Variants in ANXA3 observed in about 807,000 individuals in gnomAD.
ANXA3 encodes 35-alpha calcimedin.
Under a neutral mutation model 48.8 loss-of-function variants are expected in ANXA3, and 46 were observed. That is an observed-to-expected ratio of 0.94 (90% CI 0.74 to 1.21). ANXA3 has a LOEUF of 1.21. Among genes scored for constraint, ANXA3 ranks in the 50% most tolerant of loss-of-function variants. The probability of loss-of-function intolerance (pLI) is 0.00; values close to 1 mark genes in which losing one functional copy is unlikely to be tolerated. For synonymous variants in ANXA3, 128 were observed against 134.7 expected, an observed-to-expected ratio of 0.95 and a Z score of 0.35; for missense variants, 383 against 378.6, an observed-to-expected ratio of 1.01 and a Z score of -0.10.
chr4:78,606,559 CA>C, intron 12 of ANXA3, among the ~76,000 whole-genome samples: 1 of 152,252 alleles, frequency 6.6e-6, no homozygotes, highest in Non-Finnish European at 1.5e-5. Flanking sequence ...GTCTTTGGTC[CA>C]ACCTTCGCTA....
At chr4:78,609,144 A>G (rs1362946026) in intron 12 of ANXA3, among the ~76,000 whole-genome samples, 1 of 152,232 alleles carries the variant, frequency 6.6e-6, no homozygotes, top group Non-Finnish European at 1.5e-5. Context: ...GTGTCTTACT[A>G]TGAAAGTAAT....
At chr4:78,574,599 A>G (rs1722910524) in intron 3 of ANXA3, among the ~76,000 whole-genome samples, 1 of 152,242 alleles carries the variant, frequency 6.6e-6, no homozygotes, top group Non-Finnish European at 1.5e-5. Flanking sequence ...CTCAAACAGC[A>G]TAAAATGAAA....
At chr4:78,568,151 A>AT (rs1722769080) in intron 2 of ANXA3, among the ~76,000 whole-genome samples, 1 of 152,134 alleles carries the variant, frequency 6.6e-6, no homozygotes, top group African/African-American at 2.4e-5. Context: ...ACTTTAAGGT[A>AT]TTTTTTTGGG....
At chr4:78,555,033 G>A (rs776688693) in intron 2 of ANXA3, among the ~76,000 whole-genome samples, 2 of 152,046 alleles carry the variant, frequency 1.3e-5, no homozygotes, top group African/African-American at 4.8e-5. Flanking sequence ...TGGTGAAACC[G>A]TGTCTCTACT....
intron 2 of ANXA3, among the ~76,000 whole-genome samples, chr4:78,565,282 C>CGACTTA (rs955004808): frequency 6.6e-6 from 1 of 152,084 alleles, no homozygotes; most frequent in Non-Finnish European, 1.5e-5. Context: ...CCACCTGGCC[C>CGACTTA]GACTTAGATC....
intron 2 of ANXA3, among the ~76,000 whole-genome samples, chr4:78,562,487 C>T (rs1722646050): frequency 6.6e-6 from 1 of 152,114 alleles, no homozygotes; most frequent in Admixed American, 6.5e-5. Context: ...GAATTTTTAC[C>T]ATATGGCATG....
intron 4 of ANXA3, among the ~76,000 whole-genome samples, chr4:78,580,182 T>C (rs978758319): frequency 1.3e-5 from 2 of 152,188 alleles, no homozygotes; most frequent in Admixed American, 6.5e-5. Flanking sequence ...TGATAGACAG[T>C]GACTGGTGAC....
In ANXA3 at chr4:78,578,298, C is replaced by CGAGAGTGAGAGAGAGAGAGA. The variant is rs1451574068; in HGVS notation, c.104-724_104-723insTGAGAGAGAGAGAGAGAGAG. Reference sequence around the variant, plus strand: ...GAAAGGGCGAAGGGGAGAGAGAGAGCGAGAGAGAGAGAGAGAGAGAGAGAG... The same window carrying CGAGAGTGAGAGAGAGAGAGA: ...GAAAGGGCGAAGGGGAGAGAGAGAGCGAGAGTGAGAGAGAGAGAGAGAGAGAGAGAGAGAGAGAGAGAGAG... On this transcript the variant is annotated intron_variant, in intron 3 of 12. Coordinates refer to ENST00000264908, the MANE Select transcript of ANXA3 (RefSeq NM_005139.3). Among the ~76,000 whole-genome samples the CGAGAGTGAGAGAGAGAGAGA allele has an allele frequency of 1.5e-3, 68 of 46,518 alleles. 6 individuals are homozygous for CGAGAGTGAGAGAGAGAGAGA. The highest frequency in any genetic ancestry group is 0.014 in the South Asian group (15 of 1,040). The allele number at this position is 46,518 out of a possible 152,430, so 30.5% of individuals were successfully genotyped here. A position where few individuals can be genotyped will look rare whatever the true frequency, so the allele number is the denominator to read the frequency against.
At chr4:78,576,447 T>C (rs906519395) in intron 3 of ANXA3, among the ~76,000 whole-genome samples, 2 of 152,110 alleles carry the variant, frequency 1.3e-5, no homozygotes, top group African/African-American at 4.8e-5. Flanking sequence ...CAGATGCTCA[T>C]CACAATGTGT....
At chr4:78,589,512 T>A (rs962210723) in intron 6 of ANXA3, among the ~76,000 whole-genome samples, 1 of 152,212 alleles carries the variant, frequency 6.6e-6, no homozygotes, top group Non-Finnish European at 1.5e-5. Context: ...ATGCTAATGT[T>A]TTCCGTGACA....
rs531594133 is a variant in ANXA3, at chr4:78,604,170, A to G, written c.790-107A>G. 115 of 991,660 alleles carry G rather than the reference A, an allele frequency of 1.2e-4. No homozygotes were observed. The South Asian group carries it at 2.7e-3, about 23-fold the overall frequency. The allele number at this position is 991,660 out of a possible 1,614,324, so 61.4% of individuals were successfully genotyped here. ...TGATAATAAATGAAAAAGAATCACT[A>G]TAGTTGAATATTTTGCACACCATTA... is the stretch of plus-strand genomic sequence containing the variant. On this transcript the variant is annotated intron_variant, in intron 11 of 12. Transcript: ENST00000264908.
intron 2 of ANXA3, among the ~76,000 whole-genome samples, chr4:78,563,888 A>G (rs891252752): frequency 1.3e-5 from 2 of 152,164 alleles, no homozygotes; most frequent in Non-Finnish European, 2.9e-5. Context: ...CAGAAGTTAC[A>G]CATGCACAGG....
chr4:78,600,482 A>G lies in ANXA3; in HGVS notation c.731-1028A>G, dbSNP rs376531440. 1.3e-3 allele frequency among the ~76,000 whole-genome samples: 197 copies of G among 152,306 alleles called. 10 individuals carry two copies. The South Asian group carries it at 0.04, about 31-fold the overall frequency. On this transcript the variant is annotated intron_variant, in intron 10 of 12. Transcript: ENST00000264908. ...AAGTGGGCATCATTATTTTTTATCA[A>G]GCTATTATGGCTTACTTAATGTGAG...
chr4:78,595,878 T>A lies in ANXA3; in HGVS notation c.625T>A (p.Leu209Ile). 1 of 1,600,804 alleles carries A rather than the reference T, an allele frequency of 6.2e-7. No homozygotes were observed. Among genetic ancestry groups the A allele is most frequent in the South Asian group, 1.1e-5 (1 of 90,684 alleles). The change falls in exon 9 of 13, where the codon TTA (leucine) becomes ATA (isoleucine). Residue 209 changes from leucine to isoleucine, a missense_variant. By Grantham distance (5) the Leu-to-Ile change is conservative. Coordinates refer to ENST00000264908, the MANE Select transcript of ANXA3 (RefSeq NM_005139.3). ...CCTGTGTTTAAGGAGCTTTCCTCAATTAAAACTAAGTACAAACTCACATTA... is the reference window on the plus strand; with the variant it reads ...CCTGTGTTTAAGGAGCTTTCCTCAAATAAAACTAAGTACAAACTCACATTA... ...EILCLRSFPQ[L>I]KLTFDEYRNI...
At chr4:78,561,189 G>A (rs1217847971) in intron 2 of ANXA3, among the ~76,000 whole-genome samples, 1 of 152,184 alleles carries the variant, frequency 6.6e-6, no homozygotes, top group Admixed American at 6.5e-5. Flanking sequence ...CTTGCAGATA[G>A]GAAAAGCTAA....
At chr4:78,552,734 A>C (rs1265216512) in intron 1 of ANXA3, among the ~76,000 whole-genome samples, 7 of 152,222 alleles carry the variant, frequency 4.6e-5, no homozygotes, top group African/African-American at 9.7e-5. Context: ...TACATTTACT[A>C]TGTTCACCAA....
intron 1 of ANXA3, among the ~76,000 whole-genome samples, 181 bp from the exon 2 acceptor site, chr4:78,554,255 A>C (rs1722463645): frequency 6.6e-6 from 1 of 152,206 alleles, no homozygotes; most frequent in African/African-American, 2.4e-5. Context: ...CATATGGTAG[A>C]TGCTCAGTAA....
intron 9 of ANXA3, chr4:78,597,112 A>T: frequency 2.1e-6 from 1 of 466,258 alleles, no homozygotes; most frequent in Non-Finnish European, 3.8e-6. Flanking sequence ...GAAGAAAATC[A>T]TCTAGGGAGT....
intron 4 of ANXA3, 53 bp downstream of exon 4, chr4:78,579,174 T>A (rs1723024788): frequency 8.0e-7 from 1 of 1,255,924 alleles, no homozygotes; most frequent in African/African-American, 1.5e-5. Context: ...TGTACCATGG[T>A]CGCTCCCACA....
Sources: allele counts gnomAD v4.1 joint callset (sites outside exome capture counted in the v4.1 genomes callset), GRCh38; gene constraint gnomAD v4.1.1; transcripts MANE v1.5; gene names NCBI Gene and HGNC (gene_info 2026-07-23, HGNC 2026-07-21).